The following CDK14 variants were observed in gnomAD, a reference collection of about 807,000 sequenced individuals.
CDK14 encodes cyclin dependent kinase 14, also known as cyclin-dependent kinase 14.
In CDK14, 34 loss-of-function variants were observed where a neutral mutation model predicts 60.7. That is an observed-to-expected ratio of 0.56 (90% confidence interval 0.43 to 0.75). The LOEUF (loss-of-function observed/expected upper bound fraction) is 0.75. CDK14 is among the 30% of genes least tolerant of loss of function. CDK14 has a pLI of 0.00. For missense variants in CDK14, 482 were observed against 564.1 expected (o/e 0.85, Z 1.47); for synonymous variants, 197 against 203.7 (o/e 0.97, Z 0.28).
chr7:90,691,223 C>T (rs986316178), intron 2 of CDK14, among the ~76,000 whole-genome samples: 3 of 151,940 alleles, frequency 2.0e-5, no homozygotes, highest in Admixed American at 6.6e-5. Flanking sequence ...AACAGTCCTG[C>T]CCTCCCGGAA....
chr7:90,686,433 T>G (rs1372753828), intron 2 of CDK14, among the ~76,000 whole-genome samples: 1 of 152,180 alleles, frequency 6.6e-6, no homozygotes, highest in African/African-American at 2.4e-5. Context: ...GTCAGCCATG[T>G]TCTAATGAGA....
intron 14 of CDK14, among the ~76,000 whole-genome samples, chr7:91,188,568 A>G (rs12537588): frequency 0.082 from 12,518 of 152,286 alleles, 624 homozygotes; most frequent in Non-Finnish European, 0.11. Context: ...GGATGGATAC[A>G]TACATACATA....
At chr7:91,166,192 A>G (rs1199894987) in intron 14 of CDK14, among the ~76,000 whole-genome samples, 1 of 152,182 alleles carries the variant, frequency 6.6e-6, no homozygotes, top group Non-Finnish European at 1.5e-5. Flanking sequence ...GGATTCCTAT[A>G]TTTTTTCACT....
At chr7:91,024,702 G>A (rs945747066) in intron 10 of CDK14, among the ~76,000 whole-genome samples, 9 of 152,220 alleles carry the variant, frequency 5.9e-5, no homozygotes, top group South Asian at 4.2e-4. Flanking sequence ...GATTGATTTC[G>A]GCAGCCGCAC....
At chr7:91,027,449 C>A (rs1796605261) in intron 10 of CDK14, among the ~76,000 whole-genome samples, 1 of 152,150 alleles carries the variant, frequency 6.6e-6, no homozygotes, top group Non-Finnish European at 1.5e-5. Flanking sequence ...AGCCATACTT[C>A]CTCGGAAGAT....
At chr7:90,742,914 A>G (rs921487080) in intron 3 of CDK14, among the ~76,000 whole-genome samples, 2 of 151,942 alleles carry the variant, frequency 1.3e-5, no homozygotes, top group Admixed American at 1.3e-4. Context: ...TGGCTTTAAG[A>G]TTTTTTTGGA....
chr7:91,179,531 A>G (rs1178563701), intron 14 of CDK14, among the ~76,000 whole-genome samples: 1 of 151,478 alleles, frequency 6.6e-6, no homozygotes, highest in East Asian at 1.9e-4. Flanking sequence ...AGCCCGGCGC[A>G]GTGACTCACG....
intron 3 of CDK14, among the ~76,000 whole-genome samples, chr7:90,741,731 G>A (rs1385288431): frequency 1.3e-5 from 2 of 152,110 alleles, no homozygotes; most frequent in Admixed American, 6.5e-5. Flanking sequence ...TAGAAGTTAG[G>A]TGGTTTCCTG....
rs552320949 is a variant in CDK14, at chr7:90,673,074, A to T, written c.124-53493A>T. 6.6e-5 allele frequency among the ~76,000 whole-genome samples: 10 copies of T among 152,100 alleles called. No individual in the cohort carries two copies. The South Asian group carries it at 2.1e-3, about 32-fold the overall frequency. ...AGTGGAGAAAAAATGATTTCACTTC[A>T]GTTTGTGGAGCTGGAAATTTTCAAC... On this transcript the variant is annotated intron_variant, in intron 2 of 14. Coordinates refer to ENST00000380050, the MANE Select transcript of CDK14 (RefSeq NM_001287135.2).
At chr7:91,179,023 C>T (rs577597129) in intron 14 of CDK14, among the ~76,000 whole-genome samples, 239 of 152,232 alleles carry the variant, frequency 1.6e-3, no homozygotes, top group Non-Finnish European at 3.0e-3. Context: ...TTTATTGCGG[C>T]ATTATTCACA....
At chr7:90,792,802 T>A (rs559952434) in intron 5 of CDK14, among the ~76,000 whole-genome samples, 1 of 151,718 alleles carries the variant, frequency 6.6e-6, no homozygotes, top group Admixed American at 6.6e-5. Flanking sequence ...TCATATTATG[T>A]CAATCCCCTT....
intron 9 of CDK14, among the ~76,000 whole-genome samples, chr7:90,963,721 T>C (rs920235775): frequency 2.8e-5 from 4 of 145,356 alleles, no homozygotes; most frequent in African/African-American, 5.1e-5. Context: ...CTTTTTTTTT[T>C]TTTTTTTTTT....
chr7:90,878,086 G>T (rs1001222363), intron 6 of CDK14, among the ~76,000 whole-genome samples: 8 of 151,324 alleles, frequency 5.3e-5, no homozygotes, highest in African/African-American at 2.0e-4. Context: ...GTGTGTGTGT[G>T]TGTGTGTGAG....
intron 3 of CDK14, among the ~76,000 whole-genome samples, chr7:90,735,966 G>A (rs567188080): frequency 2.0e-4 from 31 of 152,314 alleles, no homozygotes; most frequent in African/African-American, 6.5e-4. Flanking sequence ...AGGCACCGGC[G>A]GGAATCTCCT....
chr7:90,731,917 C>G (rs377412358), intron 3 of CDK14, among the ~76,000 whole-genome samples: 1 of 151,902 alleles, frequency 6.6e-6, no homozygotes, highest in Non-Finnish European at 1.5e-5. Context: ...TGTCTTGTGC[C>G]GGTTTTCAAA....
chr7:90,969,114 C>G (rs1158296661), intron 9 of CDK14, among the ~76,000 whole-genome samples: 4 of 152,098 alleles, frequency 2.6e-5, no homozygotes, highest in African/African-American at 7.2e-5. Flanking sequence ...ACAGACTTCA[C>G]CAAAAAAATG....
chr7:90,709,878 T>C (rs1196357534), intron 2 of CDK14: 20 of 1,337,386 alleles, frequency 1.5e-5, no homozygotes, highest in Non-Finnish European at 1.9e-5. Context: ...TGTATGAGCC[T>C]GGCCTGGTGC....
At chr7:90,743,905 TG>T (rs1803456639) in intron 3 of CDK14, among the ~76,000 whole-genome samples, 1 of 152,120 alleles carries the variant, frequency 6.6e-6, no homozygotes, top group South Asian at 2.1e-4. Context: ...AGATTTTCTT[TG>T]TTTTTTTTAT....
At chr7:90,919,906 G>A (rs922180665) in intron 8 of CDK14, among the ~76,000 whole-genome samples, 1 of 152,222 alleles carries the variant, frequency 6.6e-6, no homozygotes, top group Non-Finnish European at 1.5e-5. Flanking sequence ...TGGTTCTTAT[G>A]ACCAGACTGC....
Sources: allele counts gnomAD v4.1 joint callset (sites outside exome capture counted in the v4.1 genomes callset), GRCh38; gene constraint gnomAD v4.1.1; transcripts MANE v1.5; gene names NCBI Gene and HGNC (gene_info 2026-07-23, HGNC 2026-07-21).